The following FGGY variants were observed in gnomAD, a reference collection of about 807,000 sequenced individuals.
FGGY encodes the protein FGGY carbohydrate kinase domain containing.
FGGY carries 72 observed loss-of-function variants against 71.3 expected under a neutral mutation model. The observed-to-expected ratio is 1.01, with a 90% CI of 0.84 to 1.23. FGGY has a LOEUF of 1.23. Among genes scored for constraint, FGGY ranks in the 50% most tolerant of loss-of-function variants. The pLI is 0.00. For missense variants in FGGY, 668 were observed against 682.3 expected (o/e 0.98, Z 0.23); for synonymous variants, 251 against 250.3 (o/e 1.00, Z -0.02).
chr1:59,618,992 GTA>G (rs962016056), intron 9 of FGGY, among the ~76,000 whole-genome samples: 2 of 151,902 alleles, frequency 1.3e-5, no homozygotes, highest in Admixed American at 1.3e-4. Flanking sequence ...CTTATTTTTT[GTA>G]TACCCACCTG....
chr1:59,420,858 A>G (rs2065281840), intron 5 of FGGY, among the ~76,000 whole-genome samples: 1 of 151,350 alleles, frequency 6.6e-6, no homozygotes, highest in African/African-American at 2.4e-5. Context: ...GCTCAAATTC[A>G]CTCCCAAATG....
intron 2 of FGGY, among the ~76,000 whole-genome samples, chr1:59,334,973 A>T (rs2049196141): frequency 6.6e-6 from 1 of 152,188 alleles, no homozygotes; most frequent in Non-Finnish European, 1.5e-5. Context: ...AACCACTATT[A>T]ACAATTTGTT....
chr1:59,546,519 TGATGATGATG>T (rs1558303002), intron 7 of FGGY, among the ~76,000 whole-genome samples: 4,873 of 145,894 alleles, frequency 0.033, 147 homozygotes, highest in African/African-American at 0.077. Flanking sequence ...ATGATGATGA[TGATGATGATG>T]ATGATGATTA....
intron 8 of FGGY, among the ~76,000 whole-genome samples, chr1:59,589,350 A>ACCCCAC: frequency 6.6e-6 from 1 of 152,210 alleles, no homozygotes; most frequent in East Asian, 1.9e-4. Flanking sequence ...AGACTTTAAC[A>ACCCCAC]CCCCACTGTC....
Position 59,577,514 on chromosome 1 carries a change from G to A in FGGY, c.903+23287G>A, listed in dbSNP as rs531963709. Among the ~76,000 whole-genome samples the A allele has an allele frequency of 2.6e-5, 4 of 152,226 alleles. No individual in the cohort carries two copies. The East Asian group carries it at 7.7e-4, about 29-fold the overall frequency. On this transcript the variant is annotated intron_variant, in intron 8 of 15. Coordinates refer to ENST00000303721, the MANE Select transcript of FGGY (RefSeq NM_018291.5). ...AGAATTCCAGTATTACTTGGAGAGA[G>A]GGGTTGGGTATAGTGGTAAACTTAA...
At chr1:59,425,796 A>G (rs2066262700) in intron 5 of FGGY, among the ~76,000 whole-genome samples, 1 of 152,036 alleles carries the variant, frequency 6.6e-6, no homozygotes. Context: ...GTTCCCTTTG[A>G]CAGACATTCT....
chr1:59,381,832 G>A (rs1289958661), intron 5 of FGGY, among the ~76,000 whole-genome samples: 1 of 152,172 alleles, frequency 6.6e-6, no homozygotes, highest in African/African-American at 2.4e-5. Context: ...TTTTCAGTAA[G>A]TTATGAATGT....
intron 6 of FGGY, among the ~76,000 whole-genome samples, chr1:59,506,445 T>A (rs191698631): frequency 6.6e-6 from 1 of 152,370 alleles, no homozygotes; most frequent in African/African-American, 2.4e-5. Context: ...TCAAGTTCAT[T>A]CATTTTAATG....
rs566224393 is a variant in FGGY at position 59,303,448 on chromosome 1, G to A, written c.-15+6298G>A. ...GCAAATGGCAGGAATCTTTAAGACT[G>A]AATAATATTCCATTGTGTATATATG... On this transcript the variant is annotated intron_variant, in intron 1 of 15. Coordinates refer to ENST00000303721, the MANE Select transcript of FGGY (RefSeq NM_018291.5). Among the ~76,000 whole-genome samples the A allele has an allele frequency of 3.9e-5, 6 of 152,266 alleles. No homozygotes were observed. The East Asian group carries it at 1.2e-3, about 29-fold the overall frequency.
chr1:59,370,164 GA>G (rs200162411), intron 4 of FGGY, among the ~76,000 whole-genome samples: 4,295 of 152,116 alleles, frequency 0.028, 225 homozygotes, highest in African/African-American at 0.098. Context: ...TAAAAACTTT[GA>G]AAAAAATCTA....
chr1:59,304,865 C>A (rs753750256), intron 1 of FGGY, among the ~76,000 whole-genome samples: 16 of 151,864 alleles, frequency 1.1e-4, no homozygotes, highest in Admixed American at 2.0e-4. Flanking sequence ...TGGGGTAGTT[C>A]ATTGTTAGTG....
At chr1:59,755,360 T>C (rs1003036844) in intron 14 of FGGY, 1 of 152,202 alleles carries the variant, frequency 6.6e-6, no homozygotes. Flanking sequence ...AAAATAATTA[T>C]AACAATTCCT....
At chr1:59,542,691 G>A (rs2095463114) in intron 7 of FGGY, among the ~76,000 whole-genome samples, 2 of 152,160 alleles carry the variant, frequency 1.3e-5, no homozygotes, top group South Asian at 2.1e-4. Flanking sequence ...CCCAATCTCA[G>A]GTGATCTGCC....
intron 4 of FGGY, among the ~76,000 whole-genome samples, chr1:59,350,524 T>C (rs1261104395): frequency 3.3e-5 from 5 of 152,126 alleles, no homozygotes; most frequent in East Asian, 1.9e-4. Context: ...ATCTGTGTTA[T>C]GGTAGGTGAG....
intron 12 of FGGY, among the ~76,000 whole-genome samples, chr1:59,662,141 G>A (rs1277938366): frequency 6.7e-6 from 1 of 149,706 alleles, no homozygotes; most frequent in Non-Finnish European, 1.5e-5. Context: ...CTAACATGGT[G>A]AAACCCTGTC....
At chr1:59,689,638 G>A (rs1040993867) in intron 14 of FGGY, among the ~76,000 whole-genome samples, 1 of 151,934 alleles carries the variant, frequency 6.6e-6, no homozygotes, top group African/African-American at 2.4e-5. Context: ...AGTTCAGCCT[G>A]TGAGTAATAA....
intron 3 of FGGY, among the ~76,000 whole-genome samples, chr1:59,344,145 G>A (rs2051285159): frequency 6.6e-6 from 1 of 152,158 alleles, no homozygotes; most frequent in Non-Finnish European, 1.5e-5. Flanking sequence ...TGACATTCCT[G>A]TGGAAGGTCC....
intron 14 of FGGY, among the ~76,000 whole-genome samples, chr1:59,731,243 T>C (rs1396916848): frequency 6.6e-6 from 1 of 152,122 alleles, no homozygotes; most frequent in Non-Finnish European, 1.5e-5. Context: ...CACAAACCAC[T>C]GAGGGGAGTT....
intron 7 of FGGY, among the ~76,000 whole-genome samples, chr1:59,542,815 C>T (rs2095465214): frequency 6.6e-6 from 1 of 152,116 alleles, no homozygotes; most frequent in African/African-American, 2.4e-5. Context: ...GCCCAAAAAA[C>T]TCAGTTCATT....
Sources: gnomAD v4.1 joint callset for allele counts (sites outside exome capture counted in the v4.1 genomes callset) on GRCh38, gnomAD v4.1.1 for gene constraint, MANE v1.5 for transcripts, NCBI Gene and HGNC (gene_info 2026-07-23, HGNC 2026-07-21) for gene names.